Variants in SDK1 observed in about 807,000 individuals in gnomAD.
SDK1 encodes the protein sidekick cell adhesion molecule 1, also known as protein sidekick-1.
SDK1 carries 157 observed loss-of-function variants against 245.5 expected under a neutral mutation model. The observed-to-expected ratio is 0.64, with a 90% confidence interval of 0.56 to 0.73. The LOEUF (loss-of-function observed/expected upper bound fraction) is 0.73, where lower values mean the gene tolerates loss of function less well. Among genes scored for constraint, SDK1 ranks in the 30% least tolerant of loss-of-function variants. The pLI is 0.00. For synonymous variants in SDK1, 1,647 were observed against 1,278.5 expected (o/e 1.29, Z -6.15); for missense variants, 3,583 against 3,002.3 (o/e 1.19, Z -4.52).
intron 4 of SDK1, among the ~76,000 whole-genome samples, chr7:3,769,021 G>A (rs890439183): frequency 1.3e-5 from 2 of 152,154 alleles, no homozygotes; most frequent in African/African-American, 2.4e-5. Context: ...ATTATGCCAC[G>A]TTCTCTTGGT....
At chr7:3,868,464 G>T (rs17261199) in intron 5 of SDK1, among the ~76,000 whole-genome samples, 62,901 of 152,020 alleles carry the variant, frequency 0.41, 15,347 homozygotes, top group East Asian at 0.88. Flanking sequence ...TACAGACTAG[G>T]TGACAACTGG....
chr7:3,897,783 T>C (rs1326799098), intron 5 of SDK1, among the ~76,000 whole-genome samples: 2 of 152,162 alleles, frequency 1.3e-5, no homozygotes, highest in Non-Finnish European at 2.9e-5. Context: ...GGGAAGAAGA[T>C]GAAATAAATG....
At chr7:3,523,812 TC>T (rs1783025851) in intron 1 of SDK1, among the ~76,000 whole-genome samples, 1 of 152,220 alleles carries the variant, frequency 6.6e-6, no homozygotes, top group Non-Finnish European at 1.5e-5. Flanking sequence ...GCCAATTTAG[TC>T]TCTTTGTTCT....
intron 1 of SDK1, among the ~76,000 whole-genome samples, chr7:3,303,023 T>G (rs1397071821): frequency 1.3e-5 from 2 of 152,174 alleles, no homozygotes; most frequent in African/African-American, 4.8e-5. Context: ...TACTTTTTTT[T>G]ATTGATGCTT....
At chr7:3,952,132 C>A in intron 7 of SDK1, 1 of 561,298 alleles carries the variant, frequency 1.8e-6, no homozygotes. Flanking sequence ...TCAATCCTTC[C>A]AAGAAACGTC....
At chr7:3,690,282 C>G (rs1784407831) in intron 4 of SDK1, among the ~76,000 whole-genome samples, 1 of 152,132 alleles carries the variant, frequency 6.6e-6, no homozygotes, top group Non-Finnish European at 1.5e-5. Context: ...ACAGGTTATA[C>G]TTCTGTCTCA....
chr7:3,819,515 A>G (rs1379026553), intron 4 of SDK1, among the ~76,000 whole-genome samples: 1 of 152,152 alleles, frequency 6.6e-6, no homozygotes, highest in Non-Finnish European at 1.5e-5. Context: ...AAATTGTACT[A>G]TTAAATGTGT....
intron 4 of SDK1, among the ~76,000 whole-genome samples, chr7:3,786,772 C>A (rs1228445616): frequency 1.3e-5 from 2 of 152,100 alleles, no homozygotes; most frequent in Non-Finnish European, 2.9e-5. Flanking sequence ...TGTGCCTGTG[C>A]TTTACAGTTT....
chr7:4,151,998 ACAGT>A (rs1385217678), intron 30 of SDK1, among the ~76,000 whole-genome samples: 1 of 152,146 alleles, frequency 6.6e-6, no homozygotes, highest in East Asian at 1.9e-4. Context: ...CAAACTTTCC[ACAGT>A]CAGTCTCCCC....
At chr7:3,393,173 T>C (rs1032243618) in intron 1 of SDK1, among the ~76,000 whole-genome samples, 29 of 152,020 alleles carry the variant, frequency 1.9e-4, no homozygotes, top group African/African-American at 7.0e-4. Flanking sequence ...GGTTTCATCA[T>C]GTTGGCCAGC....
rs532682087 is a variant in SDK1, at chr7:3,758,173, A to C, written c.714-63277A>C. 4.6e-5 allele frequency among the ~76,000 whole-genome samples: 7 copies of C among 152,328 alleles called. No individual in the cohort carries two copies. In the South Asian group the frequency reaches 1.5e-3, roughly 32 times the overall value. ...GTTAAAACCGCCACTGTACTTAATA[A>C]ATATTCTGAGGGATATACTTTGAGG... On this transcript the variant is annotated intron_variant, in intron 4 of 44. Coordinates refer to ENST00000404826, the MANE Select transcript of SDK1 (RefSeq NM_152744.4).
intron 35 of SDK1, among the ~76,000 whole-genome samples, chr7:4,204,552 C>G (rs1429781740): frequency 6.6e-6 from 1 of 152,046 alleles, no homozygotes; most frequent in Non-Finnish European, 1.5e-5. Flanking sequence ...GGGGAAGGGG[C>G]GAGTCCTGAG....
At chr7:3,417,722 G>A (rs1255308609) in intron 1 of SDK1, among the ~76,000 whole-genome samples, 1 of 152,068 alleles carries the variant, frequency 6.6e-6, no homozygotes, top group African/African-American at 2.4e-5. Flanking sequence ...AGTGTTTAGT[G>A]CAGAGCTGGG....
chr7:4,175,263 C>T (rs1051825352), intron 33 of SDK1, among the ~76,000 whole-genome samples: 3 of 152,192 alleles, frequency 2.0e-5, no homozygotes, highest in African/African-American at 7.2e-5. Flanking sequence ...CAAAGGTGGC[C>T]CTTGCTGACC....
At chr7:3,792,052 C>T (rs188579050) in intron 4 of SDK1, among the ~76,000 whole-genome samples, 8 of 152,150 alleles carry the variant, frequency 5.3e-5, no homozygotes, top group Admixed American at 3.9e-4. Flanking sequence ...TGCTTGAACC[C>T]GGGAGTTCAA....
At chr7:3,394,088 G>C (rs990736739) in intron 1 of SDK1, among the ~76,000 whole-genome samples, 5 of 151,736 alleles carry the variant, frequency 3.3e-5, no homozygotes, top group African/African-American at 1.2e-4. Context: ...TATAGGTACT[G>C]TCTTGGTAGT....
intron 1 of SDK1, among the ~76,000 whole-genome samples, chr7:3,440,502 T>C (rs1054999280): frequency 2.6e-5 from 4 of 152,160 alleles, no homozygotes; most frequent in African/African-American, 9.7e-5. Context: ...AGGGATTTGC[T>C]CTTTGAGGTT....
chr7:3,506,013 T>A (rs1361318197), intron 1 of SDK1, among the ~76,000 whole-genome samples: 5 of 152,224 alleles, frequency 3.3e-5, no homozygotes, highest in African/African-American at 1.2e-4. Flanking sequence ...CAGTTTTCTC[T>A]TAAATTTAAA....
At chr7:3,829,666 G>A (rs1484137376) in intron 5 of SDK1, among the ~76,000 whole-genome samples, 2 of 152,202 alleles carry the variant, frequency 1.3e-5, no homozygotes, top group Non-Finnish European at 2.9e-5. Context: ...AGAAGCCCAA[G>A]GAGAAGGCAA....
Sources: gnomAD v4.1 joint callset for allele counts (sites outside exome capture counted in the v4.1 genomes callset) on GRCh38, gnomAD v4.1.1 for gene constraint, MANE v1.5 for transcripts, NCBI Gene and HGNC (gene_info 2026-07-23, HGNC 2026-07-21) for gene names.